The following C1orf185 variants were observed in gnomAD, a reference collection of about 807,000 sequenced individuals.
The protein encoded by C1orf185 is uncharacterized protein C1orf185.
In C1orf185, 13 loss-of-function variants were observed where a neutral mutation model predicts 16.1. That is an observed-to-expected ratio of 0.81 (90% CI 0.53 to 1.28). The LOEUF is 1.28. C1orf185 is among the 50% of genes most tolerant of loss of function. The pLI, the probability that C1orf185 is intolerant of heterozygous loss-of-function variation, is 0.00. For synonymous variants in C1orf185, 80 were observed against 76.9 expected, an observed-to-expected ratio of 1.04 and a Z score of -0.21; for missense variants, 220 against 225.2, an observed-to-expected ratio of 0.98 and a Z score of 0.15.
intron 4 of C1orf185, 96 bp from the exon 5 acceptor site, chr1:51,147,363 CTCAGAATT>C (rs1461836249): frequency 1.1e-5 from 12 of 1,054,748 alleles, no homozygotes; most frequent in Middle Eastern, 2.9e-4. Flanking sequence ...ATGATAGCAA[CTCAGAATT>C]TCTTTATAGC....
intron 2 of C1orf185, among the ~76,000 whole-genome samples, chr1:51,113,458 C>T (rs1003751675): frequency 4.1e-4 from 63 of 151,956 alleles, no homozygotes; most frequent in African/African-American, 1.5e-3. Context: ...CCAAAGCGGA[C>T]GGATCACCTG....
At chr1:51,135,403 G>T (rs1485457659) in intron 3 of C1orf185, among the ~76,000 whole-genome samples, 1 of 152,144 alleles carries the variant, frequency 6.6e-6, no homozygotes, top group Non-Finnish European at 1.5e-5. Flanking sequence ...GCCGGGCGTG[G>T]TGGCACATGC....
At chr1:51,106,740 A>T (rs72692271) in intron 1 of C1orf185, among the ~76,000 whole-genome samples, 1 of 151,772 alleles carries the variant, frequency 6.6e-6, no homozygotes, top group Non-Finnish European at 1.5e-5. Context: ...TTTTTTGTTC[A>T]TCTAAGCTTC....
chr1:51,103,616 C>T (rs1195032656), intron 1 of C1orf185, among the ~76,000 whole-genome samples: 3 of 151,572 alleles, frequency 2.0e-5, no homozygotes, highest in Non-Finnish European at 4.4e-5. Context: ...TCACTGCAAC[C>T]TCTGCCTTCT....
At chr1:51,105,925 T>C (rs905887197) in intron 1 of C1orf185, among the ~76,000 whole-genome samples, 2 of 152,336 alleles carry the variant, frequency 1.3e-5, no homozygotes, top group African/African-American at 4.8e-5. Flanking sequence ...ATATGTAATT[T>C]TTCCTTCCCG....
intron 3 of C1orf185, among the ~76,000 whole-genome samples, chr1:51,119,803 C>T (rs1646184381): frequency 6.6e-6 from 1 of 152,076 alleles, no homozygotes. Flanking sequence ...GTCTCAAAAA[C>T]AAACACATTT....
chr1:51,110,054 C>G (rs1445082954), intron 1 of C1orf185, among the ~76,000 whole-genome samples: 6 of 152,174 alleles, frequency 3.9e-5, no homozygotes, highest in African/African-American at 1.4e-4. Flanking sequence ...TGCCTCTATT[C>G]CTTACCCAAT....
intron 3 of C1orf185, among the ~76,000 whole-genome samples, chr1:51,124,040 C>T (rs1053874590): frequency 1.3e-5 from 2 of 150,766 alleles, no homozygotes; most frequent in African/African-American, 4.9e-5. Flanking sequence ...ATATTTTTTC[C>T]CAGCCCATGG....
intron 2 of C1orf185, among the ~76,000 whole-genome samples, chr1:51,114,305 A>G (rs932697875): frequency 6.6e-6 from 1 of 152,262 alleles, no homozygotes; most frequent in Non-Finnish European, 1.5e-5. Flanking sequence ...AACAAGGGGA[A>G]TAGCACCGTC....
chr1:51,106,534 G>T (rs1646073479), intron 1 of C1orf185, among the ~76,000 whole-genome samples: 1 of 152,076 alleles, frequency 6.6e-6, no homozygotes, highest in Non-Finnish European at 1.5e-5. Context: ...TAGTTACTTG[G>T]GAGGCCAAGG....
Position 51,135,493 on chromosome 1 carries a change from C to G in C1orf185, c.259-10231C>G, listed in dbSNP as rs1252030424. Among the ~76,000 whole-genome samples the G allele has an allele frequency of 2.6e-5, 4 of 151,564 alleles. No individual in the cohort carries two copies. In the South Asian group the frequency reaches 8.3e-4, roughly 32 times the overall value. On this transcript the variant is annotated intron_variant, in intron 3 of 4. Coordinates refer to ENST00000371759, the MANE Select transcript of C1orf185 (RefSeq NM_001136508.2). Reference sequence around the variant, plus strand: ...GGCGGAGGTTGCAGTGAGCCGAGATCACACCATTGCACTCCAGCCTGGGCA... The same window carrying G: ...GGCGGAGGTTGCAGTGAGCCGAGATGACACCATTGCACTCCAGCCTGGGCA...
At chr1:51,129,201 A>G (rs1646265448) in intron 3 of C1orf185, among the ~76,000 whole-genome samples, 1 of 151,992 alleles carries the variant, frequency 6.6e-6, no homozygotes, top group Non-Finnish European at 1.5e-5. Context: ...CTAAATTTTT[A>G]AATTTTTTGT....
chr1:51,111,374 C>CTTTTTT (rs11414730), intron 1 of C1orf185, among the ~76,000 whole-genome samples: 1 of 133,984 alleles, frequency 7.5e-6, no homozygotes, highest in African/African-American at 3.2e-5. Context: ...TTCTTTCTTT[C>CTTTTTT]TTTTTTTTTT....
At chr1:51,151,372 G>A (rs375422667), downstream of C1orf185, among the ~76,000 whole-genome samples, 28 of 152,272 alleles carry the variant, frequency 1.8e-4, 1 homozygote, top group Middle Eastern at 6.8e-3. Context: ...AGGAACAAAG[G>A]AAGTGAAGTT....
At chr1:51,146,729 C>T (rs551716959) in intron 4 of C1orf185, among the ~76,000 whole-genome samples, 12 of 151,910 alleles carry the variant, frequency 7.9e-5, no homozygotes, top group African/African-American at 2.2e-4. Flanking sequence ...TTATTATTTT[C>T]GTGAAGTGGT....
chr1:51,110,244 A>G (rs923711242), intron 1 of C1orf185, among the ~76,000 whole-genome samples: 1 of 152,232 alleles, frequency 6.6e-6, no homozygotes, highest in African/African-American at 2.4e-5. Flanking sequence ...TAATGTTTAT[A>G]AAGCACTTTG....
intron 2 of C1orf185, among the ~76,000 whole-genome samples, chr1:51,112,977 A>T (rs1159811937): frequency 6.6e-6 from 1 of 151,020 alleles, no homozygotes; most frequent in Non-Finnish European, 1.5e-5. Flanking sequence ...GCACCACGAC[A>T]CCCGCCTGTT....
intron 3 of C1orf185, among the ~76,000 whole-genome samples, chr1:51,128,441 C>G (rs889837996): frequency 7.0e-6 from 1 of 142,118 alleles, no homozygotes; most frequent in African/African-American, 2.9e-5. Context: ...CCTGTAATCC[C>G]CGCACTTTGG....
At chr1:51,103,450 A>ACAC (rs756442424) in intron 1 of C1orf185, among the ~76,000 whole-genome samples, 1,972 of 51,816 alleles carry the variant, frequency 0.038, 36 homozygotes, top group East Asian at 0.1. Context: ...CACACACACA[A>ACAC]AAACCACGAA....
Sources: gnomAD v4.1 joint callset for allele counts (sites outside exome capture counted in the v4.1 genomes callset) on GRCh38, gnomAD v4.1.1 for gene constraint, MANE v1.5 for transcripts, NCBI Gene and HGNC (gene_info 2026-07-23, HGNC 2026-07-21) for gene names.